Variants in ZNF142 observed in about 807,000 individuals in gnomAD.
The protein encoded by ZNF142 is zinc finger protein 142 (clone pHZ-49).
A neutral mutation model predicts 132.1 loss-of-function variants in ZNF142; 96 were observed. The observed-to-expected ratio is 0.73, with a 90% CI of 0.62 to 0.86. ZNF142 has a LOEUF of 0.86. Among genes scored for constraint, ZNF142 ranks in the 40% least tolerant of loss-of-function variants. ZNF142 has a pLI of 0.00. For missense variants in ZNF142, 2,163 were observed against 2,336.2 expected (o/e 0.93, Z 1.53); for synonymous variants, 842 against 890.1 (o/e 0.95, Z 0.96).
Position 218,649,330 on chromosome 2 carries a change from C to A in ZNF142, c.1178G>T (p.Cys393Phe). Residue 393 changes from cysteine to phenylalanine, a missense_variant, in exon 7 of 11, where the codon TGC becomes TTC. Transcript: ENST00000411696. ...HLHFPDPSLQCPNCQKFFTSK... is the reference protein window; with the variant it reads ...HLHFPDPSLQFPNCQKFFTSK... ...GGTGAAGAACTTCTGGCAGTTAGGG[C>A]ACTGGAGGCTGGGGTCTGGGAAGTG... 1 of 1,614,188 alleles carries A rather than the reference C, an allele frequency of 6.2e-7. No homozygotes were observed. Among genetic ancestry groups the A allele is most frequent in the Non-Finnish European group, 8.5e-7 (1 of 1,180,032 alleles).
chr2:218,645,421 C>A (rs1416346752), intron 8 of ZNF142, among the ~76,000 whole-genome samples: 1 of 152,196 alleles, frequency 6.6e-6, no homozygotes, highest in African/African-American at 2.4e-5. Flanking sequence ...GTGGCTACAA[C>A]TCCACAGGGC....
At chr2:218,646,116 G>A in intron 8 of ZNF142, 55 bp downstream of exon 8, 2 of 1,580,476 alleles carry the variant, frequency 1.3e-6, no homozygotes, top group Non-Finnish European at 1.7e-6. Flanking sequence ...CCGAGAGGAA[G>A]CTAGCTTGGC....
chr2:218,655,251 A>G (rs986893274), intron 4 of ZNF142, among the ~76,000 whole-genome samples: 4 of 152,006 alleles, frequency 2.6e-5, no homozygotes, highest in African/African-American at 9.7e-5. Context: ...AATTTCTTTC[A>G]CCATATGGAA....
At chr2:218,651,133 G>A (rs1937950314) in intron 5 of ZNF142, among the ~76,000 whole-genome samples, 1 of 151,754 alleles carries the variant, frequency 6.6e-6, no homozygotes, top group African/African-American at 2.4e-5. Flanking sequence ...CTACAGACAT[G>A]TACCACCACA....
chr2:218,634,485 T>C lies in ZNF142; in HGVS notation c.*3854A>G. The C allele has an allele frequency of 6.2e-7, 1 of 1,613,990 alleles. No individual in the cohort carries two copies. Among genetic ancestry groups the C allele is most frequent in the Non-Finnish European group, 8.5e-7 (1 of 1,179,860 alleles). ...GCCATGAATATGCAGACTGCAGGGC[T>C]TGAAATGGACATCTGTGATGGGCAT... On this transcript the variant is annotated 3_prime_UTR_variant, in exon 11 of 11. Coordinates refer to ENST00000411696, the MANE Select transcript of ZNF142 (RefSeq NM_001379659.1). This position sits in a 1 kb window ranked among gnomAD's most constrained non-coding sequence, Gnocchi z 4.0.
chr2:218,639,733 G>A (rs75124508), intron 10 of ZNF142, among the ~76,000 whole-genome samples: 40 of 101,832 alleles, frequency 3.9e-4, no homozygotes, highest in South Asian at 1.5e-3. Context: ...CCCTGTCACT[G>A]AAAAAAAAAA....
Position 218,635,959 on chromosome 2 carries a change from G to A in ZNF142, c.*2380C>T, listed in dbSNP as rs1230101631. Reference sequence around the variant, plus strand: ...GAGAAACTGGCAGTGCTGGGGAGGTGGGGGTAGGAGCATGATTAGTTTTCC... The same window carrying A: ...GAGAAACTGGCAGTGCTGGGGAGGTAGGGGTAGGAGCATGATTAGTTTTCC... On this transcript the variant is annotated 3_prime_UTR_variant, in exon 11 of 11. Transcript: ENST00000411696. The A allele has an allele frequency of 1.2e-6, 2 of 1,613,838 alleles. No homozygotes were observed. The highest frequency in any genetic ancestry group is 2.2e-5 in the East Asian group (1 of 44,866).
chr2:218,643,889 T>C lies in ZNF142; in HGVS notation c.3227A>G (p.Lys1076Arg). The C allele has an allele frequency of 1.2e-6, 2 of 1,614,148 alleles. No homozygotes were observed. Among genetic ancestry groups the C allele is most frequent in the African/African-American group, 1.3e-5 (1 of 75,028 alleles). The change falls in exon 9 of 11, where the codon AAG becomes AGG. Residue 1076 changes from lysine (K) to arginine (R), a missense_variant. Physicochemically the swap from Lys to Arg is conservative, Grantham distance 26 (BLOSUM62 2). This residue lies in a region of ZNF142 where 809 missense variants were observed against 801.7 expected (regional missense o/e 1.01). Coordinates refer to ENST00000411696, the MANE Select transcript of ZNF142 (RefSeq NM_001379659.1). ...LLCPECGASF[K>R]QQRGLSTHLL... ...GTGGGTGCTGAGGCCGCGTTGTTGC[T>C]TGAAGCTAGCCCCACACTCGGGGCA...
intron 5 of ZNF142, among the ~76,000 whole-genome samples, chr2:218,651,180 C>T (rs1937953921): frequency 6.6e-6 from 1 of 152,130 alleles, no homozygotes; most frequent in South Asian, 2.1e-4. Context: ...CAGCATTTCA[C>T]CACATTGCCC....
At position 218,649,469 on chromosome 2, in the gene ZNF142, G is replaced by A. The variant is rs1282192367; in HGVS notation, c.1049-10C>T. 6.4e-7 allele frequency: 1 copy of A among 1,559,906 alleles called. No homozygotes were observed. The highest frequency in any genetic ancestry group is 1.9e-5 in the Admixed American group (1 of 51,512). On this transcript the variant is annotated splice_polypyrimidine_tract_variant and intron_variant, in intron 6 of 10. Coordinates refer to ENST00000411696, the MANE Select transcript of ZNF142 (RefSeq NM_001379659.1). The stretch of plus-strand genomic sequence containing the variant: ...CCAGAGACCACATCCCCTGGGAAAG[G>A]GAATACAGAGAGTTGAGAGAGTGAG...
At chr2:218,646,381 C>T in intron 7 of ZNF142, 33 bp from the exon 8 acceptor site, 1 of 1,610,082 alleles carries the variant, frequency 6.2e-7, no homozygotes, top group Non-Finnish European at 8.5e-7. Flanking sequence ...AGGGAGAGAA[C>T]ACAGGTCAGA....
In ZNF142 at chr2:218,642,315, C is replaced by T; in HGVS notation, c.4801G>A (p.Glu1601Lys). 6 of 1,613,996 alleles carry T rather than the reference C, an allele frequency of 3.7e-6. No individual in the cohort carries two copies. Among genetic ancestry groups the T allele is most frequent in the Non-Finnish European group, 5.1e-6 (6 of 1,180,040 alleles). ...ERVGLVKHYLEQHEETSAAVA... is the reference protein window; with the variant it reads ...ERVGLVKHYLKQHEETSAAVA... ...GCTGCTGAAGTCTCCTCATGCTGTTCCAGGTAGTGCTTTACCAGGCCCACC... is the reference window on the plus strand; with the variant it reads ...GCTGCTGAAGTCTCCTCATGCTGTTTCAGGTAGTGCTTTACCAGGCCCACC... The change falls in exon 9 of 11, where the codon GAA (glutamate) becomes AAA (lysine). Residue 1601 changes from glutamate (E) to lysine (K), a missense_variant. This residue lies in a region of ZNF142 where 17 missense variants were observed against 35.9 expected (regional missense o/e 0.47). Coordinates refer to ENST00000411696, the MANE Select transcript of ZNF142 (RefSeq NM_001379659.1). The surrounding 1 kb of genome is among the most constrained non-coding windows in gnomAD (Gnocchi z 4.6).
intron 7 of ZNF142, 119 bp from the exon 8 acceptor site, chr2:218,646,467 T>C (rs1294607728): frequency 1.7e-6 from 2 of 1,152,592 alleles, no homozygotes; most frequent in Admixed American, 2.6e-5. Context: ...CTTCATGTGC[T>C]ACCTGAGATG....
rs1696624479 is a variant in ZNF142, at chr2:218,634,921, C to A, written c.*3418G>T. ...TATAACAGTTAATATAAAGTTCTTA[C>A]AATTCCTGGCACACAGGAAGTGCTA... is the stretch of plus-strand genomic sequence containing the variant. On this transcript the variant is annotated 3_prime_UTR_variant, in exon 11 of 11. Coordinates refer to ENST00000411696, the MANE Select transcript of ZNF142 (RefSeq NM_001379659.1). This position sits in a 1 kb window ranked among gnomAD's most constrained non-coding sequence, Gnocchi z 4.0. Among the ~76,000 whole-genome samples, 1 of 152,130 alleles carries A rather than the reference C, an allele frequency of 6.6e-6. No homozygotes were observed. Among genetic ancestry groups the A allele is most frequent in the African/African-American group, 2.4e-5 (1 of 41,434 alleles).
chr2:218,654,119 C>T (rs138069601), intron 4 of ZNF142, among the ~76,000 whole-genome samples: 53 of 152,210 alleles, frequency 3.5e-4, no homozygotes, highest in African/African-American at 1.2e-3. Flanking sequence ...GGGCTGTTTC[C>T]AACCATTACA....
chr2:218,643,939 G>A lies in ZNF142; in HGVS notation c.3177C>T (p.Cys1059=). 3.1e-6 allele frequency: 5 copies of A among 1,614,112 alleles called. No individual in the cohort carries two copies. The highest frequency in any genetic ancestry group is 4.2e-6 in the Non-Finnish European group (5 of 1,179,994). Residue 1059 remains cysteine (C), a synonymous_variant, in exon 9 of 11, where the codon TGC becomes TGT. Transcript: ENST00000411696. ...ACAGCAGGGGCTCTCGGCGGCCTTGGCACCCAGTCCTGGAGTGCAGATTCA... is the reference window on the plus strand; with the variant it reads ...ACAGCAGGGGCTCTCGGCGGCCTTGACACCCAGTCCTGGAGTGCAGATTCA... ...KALNLHSRTG[C]QGRREPLLCP...
In ZNF142 at chr2:218,647,142, G is replaced by A. The variant is rs1386392847; in HGVS notation, c.1874-794C>T. Among the ~76,000 whole-genome samples, 9 of 151,838 alleles carry A rather than the reference G, an allele frequency of 5.9e-5. No homozygotes were observed. The South Asian group carries it at 1.5e-3, about 25-fold the overall frequency. The stretch of plus-strand genomic sequence containing the variant: ...ACTTTGTAAAAAAATTCCTCCTCTC[G>A]GCCGGGCATGGTGGCTCACGCCTGT... On this transcript the variant is annotated intron_variant, in intron 7 of 10. Coordinates refer to ENST00000411696, the MANE Select transcript of ZNF142 (RefSeq NM_001379659.1).
Position 218,642,030 on chromosome 2 carries a change from T to G in ZNF142, c.5086A>C (p.Lys1696Gln). 6.2e-7 allele frequency: 1 copy of G among 1,612,932 alleles called. No individual in the cohort carries two copies. The highest frequency in any genetic ancestry group is 8.5e-7 in the Non-Finnish European group (1 of 1,179,118). Reference sequence around the variant, plus strand: ...TGCCCCATATCCTCTGACATTACCTTGAGACGAGAGGGATCAGCACAGGCA... The same window carrying G: ...TGCCCCATATCCTCTGACATTACCTGGAGACGAGAGGGATCAGCACAGGCA... ...PYACADPSRL[K>Q]YHMRIHKEER... Residue 1696 changes from lysine to glutamine, a missense_variant and splice_region_variant, in exon 9 of 11, where the codon AAG becomes CAG. Lys to Gln is a moderately conservative substitution (Grantham distance 53). Coordinates refer to ENST00000411696, the MANE Select transcript of ZNF142 (RefSeq NM_001379659.1). The surrounding 1 kb of genome is among the most constrained non-coding windows in gnomAD (Gnocchi z 4.6).
At chr2:218,648,235 G>A (rs1226969159) in intron 7 of ZNF142, among the ~76,000 whole-genome samples, 3 of 152,232 alleles carry the variant, frequency 2.0e-5, no homozygotes, top group African/African-American at 4.8e-5. Flanking sequence ...GGCCATATGC[G>A]TGTGGATGGC....
Sources: gnomAD v4.1 joint callset for allele counts (sites outside exome capture counted in the v4.1 genomes callset) on GRCh38, gnomAD v4.1.1 for gene constraint, gnomAD v4.1.1 regional missense constraint, Gnocchi (gnomAD v3.1) non-coding constraint, MANE v1.5 for transcripts, NCBI Gene and HGNC (gene_info 2026-07-23, HGNC 2026-07-21) for gene names.